CNTNAP5: variants seen among roughly 807,000 people sequenced by gnomAD.
The protein encoded by CNTNAP5 is contactin-associated protein-like 5.
A neutral mutation model predicts 150.2 loss-of-function variants in CNTNAP5; 72 were observed. The observed-to-expected ratio is 0.48, with a 90% CI of 0.40 to 0.58. The LOEUF (loss-of-function observed/expected upper bound fraction) is 0.58, where lower values mean the gene tolerates loss of function less well. CNTNAP5 is among the 20% of genes least tolerant of loss of function. The pLI, the probability that CNTNAP5 is intolerant of heterozygous loss-of-function variation, is 0.00. For missense variants in CNTNAP5, 1,636 were observed against 1,626.2 expected (o/e 1.01, Z -0.10); for synonymous variants, 672 against 619.8 (o/e 1.08, Z -1.25).
chr2:124,429,405 C>T (rs1242814284), intron 4 of CNTNAP5, among the ~76,000 whole-genome samples: 1 of 152,096 alleles, frequency 6.6e-6, no homozygotes, highest in Non-Finnish European at 1.5e-5. Flanking sequence ...GTATAAAAAG[C>T]ATTAACTATA....
chr2:124,025,523 G>T lies in CNTNAP5; in HGVS notation c.-128G>T, dbSNP rs1680856876. 1 of 732,712 alleles carries T rather than the reference G, an allele frequency of 1.4e-6. No homozygotes were observed. The highest frequency in any genetic ancestry group is 1.7e-5 in the African/African-American group (1 of 58,158). The allele number at this position is 732,712 out of a possible 1,614,324, so 45.4% of individuals were successfully genotyped here. A position where few individuals can be genotyped will look rare whatever the true frequency, so the allele number is the denominator to read the frequency against. On this transcript the variant is annotated 5_prime_UTR_variant, in exon 1 of 24. Coordinates refer to ENST00000682447, the MANE Select transcript of CNTNAP5 (RefSeq NM_001367498.1). Reference sequence around the variant, plus strand: ...TCTGGGCACGGGATGGAGTGAAAGAGCGAGTGCCTCTCCAAGCGGGGGTGG... The same window carrying T: ...TCTGGGCACGGGATGGAGTGAAAGATCGAGTGCCTCTCCAAGCGGGGGTGG...
At chr2:124,295,475 G>T (rs1471476842) in intron 3 of CNTNAP5, among the ~76,000 whole-genome samples, 2 of 147,452 alleles carry the variant, frequency 1.4e-5, no homozygotes, top group Non-Finnish European at 3.0e-5. Context: ...TATGGCAGTG[G>T]TTACTGAGGA....
At chr2:124,463,301 T>TGTTGGGC (rs1206938709) in intron 6 of CNTNAP5, among the ~76,000 whole-genome samples, 2 of 152,230 alleles carry the variant, frequency 1.3e-5, no homozygotes, top group African/African-American at 4.8e-5. Flanking sequence ...ATGTTAGGCC[T>TGTTGGGC]GTTGGGCTGT....
At chr2:124,688,035 C>G (rs1388153680) in intron 13 of CNTNAP5, among the ~76,000 whole-genome samples, 1 of 152,066 alleles carries the variant, frequency 6.6e-6, no homozygotes, top group East Asian at 1.9e-4. Flanking sequence ...CACACCCCCT[C>G]CAGACCTTGC....
At chr2:124,123,839 G>C (rs1683624939) in intron 1 of CNTNAP5, among the ~76,000 whole-genome samples, 1 of 152,142 alleles carries the variant, frequency 6.6e-6, no homozygotes, top group Admixed American at 6.5e-5. Flanking sequence ...TGCAGCTGAG[G>C]GTTCTGACTG....
Position 124,339,477 on chromosome 2 carries a change from A to G in CNTNAP5, c.382-77966A>G, listed in dbSNP as rs1573926421. On this transcript the variant is annotated intron_variant, in intron 3 of 23. Coordinates refer to ENST00000682447, the MANE Select transcript of CNTNAP5 (RefSeq NM_001367498.1). ...TGGAGTGTAATATCACAGAATAATG[A>G]TATGGTAAACTGGGCCTTGTAAGGG... Among the ~76,000 whole-genome samples the G allele has an allele frequency of 2.0e-5, 3 of 152,178 alleles. No individual in the cohort carries two copies. The East Asian group carries it at 5.8e-4, about 29-fold the overall frequency.
intron 21 of CNTNAP5, among the ~76,000 whole-genome samples, chr2:124,872,803 GA>G (rs1237419995): frequency 2.5e-4 from 37 of 147,208 alleles, no homozygotes; most frequent in Admixed American, 5.4e-4. Context: ...TGTTAAAAAT[GA>G]AAAAAAAAAT....
chr2:124,261,701 A>G (rs1018074529), intron 3 of CNTNAP5, among the ~76,000 whole-genome samples: 1 of 152,154 alleles, frequency 6.6e-6, no homozygotes, highest in Non-Finnish European at 1.5e-5. Flanking sequence ...CAGGAGCTAC[A>G]GGCAAGTTAC....
chr2:124,218,629 A>G (rs1268982280), intron 1 of CNTNAP5, among the ~76,000 whole-genome samples: 2 of 152,144 alleles, frequency 1.3e-5, no homozygotes, highest in Non-Finnish European at 2.9e-5. Flanking sequence ...GTCCCTGGAA[A>G]CTGAGATACA....
chr2:124,766,738 G>A (rs1033734370), intron 16 of CNTNAP5, among the ~76,000 whole-genome samples: 3 of 152,144 alleles, frequency 2.0e-5, no homozygotes, highest in African/African-American at 7.2e-5. Flanking sequence ...ATTCATTAAA[G>A]CAGCAGCAAA....
chr2:124,884,077 C>A (rs1330785686), intron 21 of CNTNAP5, among the ~76,000 whole-genome samples: 4 of 151,984 alleles, frequency 2.6e-5, no homozygotes, highest in Admixed American at 1.3e-4. Context: ...ATGTGCATAT[C>A]TGTCATGTAT....
chr2:124,854,038 C>A (rs10192080), intron 19 of CNTNAP5, among the ~76,000 whole-genome samples: 1 of 152,036 alleles, frequency 6.6e-6, no homozygotes, highest in East Asian at 1.9e-4. Flanking sequence ...TATACCATAT[C>A]TACTTTATCC....
chr2:124,790,077 G>A lies in CNTNAP5; in HGVS notation c.2928G>A (p.Glu976=), dbSNP rs1222823515. The A allele has an allele frequency of 1.9e-6, 3 of 1,613,806 alleles. No homozygotes were observed. In the Admixed American group the frequency reaches 5.0e-5, roughly 27 times the overall value. ...GCCACAACGGGGGCAAGTGTGTGGAGAAGCACAATGGCTACCTGTGTGATT... is the reference window on the plus strand; with the variant it reads ...GCCACAACGGGGGCAAGTGTGTGGAAAAGCACAATGGCTACCTGTGTGATT... The part of the protein sequence containing the change: ...SICHNGGKCV[E]KHNGYLCDCT... The change falls in exon 18 of 24, where the codon GAG becomes GAA. Residue 976 remains glutamate, a synonymous_variant. Transcript: ENST00000682447.
At chr2:124,689,808 G>T (rs138747737) in intron 13 of CNTNAP5, among the ~76,000 whole-genome samples, 2 of 152,034 alleles carry the variant, frequency 1.3e-5, no homozygotes, top group Admixed American at 6.6e-5. Context: ...GCTGTGAGCA[G>T]AAGTACAGAC....
chr2:124,042,973 A>G (rs922568044), intron 1 of CNTNAP5, among the ~76,000 whole-genome samples: 4 of 152,238 alleles, frequency 2.6e-5, no homozygotes, highest in African/African-American at 9.6e-5. Context: ...CTCAAAGATC[A>G]GTTAGATAAT....
chr2:124,698,394 A>G (rs1679450551), intron 13 of CNTNAP5, among the ~76,000 whole-genome samples: 1 of 151,944 alleles, frequency 6.6e-6, no homozygotes, highest in South Asian at 2.1e-4. Context: ...ACACACACAC[A>G]CACACACACA....
At chr2:124,492,337 A>G (rs1016838315) in intron 7 of CNTNAP5, among the ~76,000 whole-genome samples, 1 of 152,196 alleles carries the variant, frequency 6.6e-6, no homozygotes, top group African/African-American at 2.4e-5. Flanking sequence ...GCAGGAGGAT[A>G]TCCACTTTTC....
At chr2:124,089,068 A>C (rs1017483347) in intron 1 of CNTNAP5, among the ~76,000 whole-genome samples, 5 of 152,136 alleles carry the variant, frequency 3.3e-5, no homozygotes, top group Non-Finnish European at 7.4e-5. Flanking sequence ...GTCAACTCAG[A>C]GATAAATGAG....
chr2:124,186,539 C>T (rs1373236165), intron 1 of CNTNAP5, among the ~76,000 whole-genome samples: 5 of 152,052 alleles, frequency 3.3e-5, no homozygotes, highest in Non-Finnish European at 7.4e-5. Context: ...ACGTATCTTT[C>T]CCTTTTACAA....
Sources: allele counts gnomAD v4.1 joint callset (sites outside exome capture counted in the v4.1 genomes callset), GRCh38; gene constraint gnomAD v4.1.1; transcripts MANE v1.5; gene names NCBI Gene and HGNC (gene_info 2026-07-23, HGNC 2026-07-21).